RAI14: variants seen among roughly 807,000 people sequenced by gnomAD.
RAI14 encodes the protein retinoic acid induced 14.
RAI14 carries 45 observed loss-of-function variants against 115.4 expected under a neutral mutation model. The observed-to-expected ratio is 0.39, with a 90% CI of 0.31 to 0.50. The LOEUF (loss-of-function observed/expected upper bound fraction) is 0.50. RAI14 is among the 20% of genes least tolerant of loss of function. The probability of loss-of-function intolerance (pLI) is 0.85; values close to 1 mark genes in which losing one functional copy is unlikely to be tolerated. For synonymous variants in RAI14, 371 were observed against 415.4 expected (o/e 0.89, Z 1.30); for missense variants, 939 against 1,131.2 (o/e 0.83, Z 2.44).
intron 3 of RAI14, among the ~76,000 whole-genome samples, chr5:34,777,863 GGT>G (rs1246467830): frequency 7.6e-6 from 1 of 130,874 alleles, no homozygotes; most frequent in Non-Finnish European, 1.8e-5. Flanking sequence ...ACAGGTGTGT[GGT>G]GTGTGTGGGG....
chr5:34,721,336 T>G (rs1234210643), intron 2 of RAI14, among the ~76,000 whole-genome samples: 1 of 148,536 alleles, frequency 6.7e-6, no homozygotes, highest in Non-Finnish European at 1.5e-5. Context: ...GATGTGTATG[T>G]ATGTATATTG....
intron 2 of RAI14, chr5:34,716,002 GT>G (rs1741938128): frequency 2.6e-6 from 1 of 390,540 alleles, no homozygotes; most frequent in African/African-American, 2.2e-5. Context: ...TATGCAATAT[GT>G]GGGTAGTTAC....
rs1216717521 is a variant in RAI14 at position 34,824,044 on chromosome 5, G to A, written c.2202G>A (p.Leu734=). 2 of 1,613,966 alleles carry A rather than the reference G, an allele frequency of 1.2e-6. No homozygotes were observed. Among genetic ancestry groups the A allele is most frequent in the Non-Finnish European group, 1.7e-6 (2 of 1,179,960 alleles). ...KENSVSITEH[L]QVITTLRTAA... Reference sequence around the variant, plus strand: ...ACTCTGTCTCTATCACAGAACATTTGCAAGTGATAACCACGCTGCGGACTG... The same window carrying A: ...ACTCTGTCTCTATCACAGAACATTTACAAGTGATAACCACGCTGCGGACTG... The change falls in exon 15 of 18, where the codon TTG becomes TTA. Residue 734 remains leucine (L), a synonymous_variant. Coordinates refer to ENST00000265109, the MANE Select transcript of RAI14 (RefSeq NM_015577.3).
chr5:34,738,193 G>A (rs1745096584), intron 2 of RAI14, among the ~76,000 whole-genome samples: 2 of 151,942 alleles, frequency 1.3e-5, no homozygotes, highest in East Asian at 1.9e-4. Context: ...GGAGGCTGAG[G>A]CAGGTGGATT....
At chr5:34,754,594 T>A (rs964817586) in intron 2 of RAI14, among the ~76,000 whole-genome samples, 2 of 151,936 alleles carry the variant, frequency 1.3e-5, no homozygotes, top group Non-Finnish European at 2.9e-5. Flanking sequence ...CAGCACTTCT[T>A]GAATGGTGTT....
chr5:34,784,673 G>A (rs1218954774), intron 3 of RAI14, among the ~76,000 whole-genome samples: 2 of 152,200 alleles, frequency 1.3e-5, no homozygotes, highest in Non-Finnish European at 2.9e-5. Context: ...AACACCAGTA[G>A]GTGAATGCTG....
chr5:34,703,673 C>T (rs781370562), intron 2 of RAI14, among the ~76,000 whole-genome samples: 5 of 152,126 alleles, frequency 3.3e-5, no homozygotes, highest in Non-Finnish European at 5.9e-5. Context: ...ACAACAACAA[C>T]AGAAAGAATA....
intron 2 of RAI14, among the ~76,000 whole-genome samples, chr5:34,696,631 A>C (rs1161232218): frequency 6.6e-6 from 1 of 152,250 alleles, no homozygotes. Context: ...AGCCACAGGC[A>C]GTTTCCACAG....
intron 1 of RAI14, among the ~76,000 whole-genome samples, chr5:34,665,089 ATGTGT>A (rs1743031960): frequency 2.8e-5 from 1 of 35,390 alleles, no homozygotes; most frequent in African/African-American, 9.9e-5. Context: ...GTGTATATAT[ATGTGT>A]ATATATATGT....
At chr5:34,740,316 A>G (rs1745346211) in intron 2 of RAI14, among the ~76,000 whole-genome samples, 1 of 152,244 alleles carries the variant, frequency 6.6e-6, no homozygotes, top group Non-Finnish European at 1.5e-5. Flanking sequence ...GCCTGAATCC[A>G]TAGCACAAGA....
chr5:34,824,731 G>C (rs1422214864), intron 15 of RAI14, among the ~76,000 whole-genome samples: 2 of 151,900 alleles, frequency 1.3e-5, no homozygotes, highest in African/African-American at 4.8e-5. Flanking sequence ...ATCACTTGAG[G>C]TCAGGAGTTC....
intron 3 of RAI14, among the ~76,000 whole-genome samples, chr5:34,770,355 CAA>C (rs1749995873): frequency 6.6e-6 from 1 of 152,100 alleles, no homozygotes; most frequent in South Asian, 2.1e-4. Context: ...TGAGAAAACT[CAA>C]AAAGTTCAGG....
intron 2 of RAI14, among the ~76,000 whole-genome samples, chr5:34,719,336 C>G (rs968184634): frequency 2.6e-5 from 4 of 152,174 alleles, no homozygotes; most frequent in Non-Finnish European, 5.9e-5. Context: ...CCTCATCCAT[C>G]CCCTGTCATG....
chr5:34,687,811 T>A (rs1456789676), intron 2 of RAI14: 14 of 1,455,914 alleles, frequency 9.6e-6, no homozygotes, highest in Non-Finnish European at 1.3e-5. Context: ...TTGCCGTGAA[T>A]TATATTTTGA....
rs142564926 is a variant in RAI14, at chr5:34,722,675, G to T, written c.37-34793G>T. On this transcript the variant is annotated intron_variant, in intron 2 of 17. Transcript: ENST00000265109. ...AGCCTGGCCAGCATGGTGAAACCCC[G>T]TCTCTACTAAAAATTCAAAAATTAG... Among the ~76,000 whole-genome samples the T allele has an allele frequency of 5.6e-3, 857 of 152,060 alleles. 4 individuals are homozygous for T. The highest frequency in any genetic ancestry group is 9.5e-3 in the Non-Finnish European group (645 of 67,988).
chr5:34,747,857 C>T (rs965291349), intron 2 of RAI14, among the ~76,000 whole-genome samples: 7 of 152,154 alleles, frequency 4.6e-5, no homozygotes, highest in East Asian at 3.8e-4. Flanking sequence ...TAGTGGTGAA[C>T]GAGACAGATG....
chr5:34,797,048 G>T (rs960936388), intron 4 of RAI14, among the ~76,000 whole-genome samples: 1 of 152,146 alleles, frequency 6.6e-6, no homozygotes, highest in Non-Finnish European at 1.5e-5. Context: ...TGTCCTATAA[G>T]AAGGAGCCCC....
chr5:34,688,915 C>T (rs889883659), intron 2 of RAI14, among the ~76,000 whole-genome samples: 3 of 152,080 alleles, frequency 2.0e-5, no homozygotes, highest in African/African-American at 7.2e-5. Flanking sequence ...TTAATCTTGC[C>T]ACAAATCTTA....
chr5:34,782,052 A>G (rs1751711600), intron 3 of RAI14, among the ~76,000 whole-genome samples: 1 of 152,254 alleles, frequency 6.6e-6, no homozygotes. Context: ...TAAGCCACAG[A>G]TCACTCATGC....
Sources: gnomAD v4.1 joint callset for allele counts (sites outside exome capture counted in the v4.1 genomes callset) on GRCh38, gnomAD v4.1.1 for gene constraint, MANE v1.5 for transcripts, NCBI Gene and HGNC (gene_info 2026-07-23, HGNC 2026-07-21) for gene names.